Variants in FSTL5 observed in about 807,000 individuals in gnomAD.
FSTL5 encodes the protein follistatin like 5.
FSTL5 carries 62 observed loss-of-function variants against 89.1 expected under a neutral mutation model. That is an observed-to-expected ratio of 0.70 (90% confidence interval 0.57 to 0.86). The LOEUF (loss-of-function observed/expected upper bound fraction) is 0.86. Among genes scored for constraint, FSTL5 ranks in the 40% least tolerant of loss-of-function variants. FSTL5 has a pLI of 0.00. For synonymous variants in FSTL5, 383 were observed against 346.2 expected (o/e 1.11, Z -1.18); for missense variants, 1,057 against 1,001.6 (o/e 1.06, Z -0.75).
Position 161,416,864 on chromosome 4 carries a change from A to C in FSTL5, c.1842-30415T>G, listed in dbSNP as rs562077792. Among the ~76,000 whole-genome samples the C allele has an allele frequency of 1.2e-4, 18 of 151,908 alleles. No individual in the cohort carries two copies. In the East Asian group the frequency reaches 2.9e-3, roughly 24 times the overall value. On this transcript the variant is annotated intron_variant, in intron 15 of 15. Coordinates refer to ENST00000306100, the MANE Select transcript of FSTL5 (RefSeq NM_020116.5). ...CATCTCAAAAAAAAAAAAAAAAAGA[A>C]AGATTCTTCATGAAACCATTACCCA...
In FSTL5 at chr4:161,939,898, A is replaced by T. The variant is rs201907989; in HGVS notation, c.161-19246T>A. ...AATAATCTTTAGATAGCTCCAAAAA[A>T]CAGTCAAAACTGCTAACAAACTAAG... On this transcript the variant is annotated intron_variant, in intron 3 of 15. Coordinates refer to ENST00000306100, the MANE Select transcript of FSTL5 (RefSeq NM_020116.5). Among the ~76,000 whole-genome samples the T allele has an allele frequency of 0.013, 1,973 of 151,974 alleles. 123 individuals carry two copies. In the East Asian group the frequency reaches 0.2, roughly 16 times the overall value.
At chr4:161,932,843 T>C (rs1461295522) in intron 3 of FSTL5, among the ~76,000 whole-genome samples, 1 of 152,076 alleles carries the variant, frequency 6.6e-6, no homozygotes, top group Non-Finnish European at 1.5e-5. Context: ...AATATTATTT[T>C]ATTAATGTTA....
intron 4 of FSTL5, among the ~76,000 whole-genome samples, chr4:161,796,446 A>G (rs1235974448): frequency 1.3e-5 from 2 of 151,814 alleles, no homozygotes; most frequent in Non-Finnish European, 3.0e-5. Context: ...AACATGATGA[A>G]TATATTGCTA....
intron 2 of FSTL5, among the ~76,000 whole-genome samples, chr4:162,073,022 A>G (rs942502793): frequency 4.0e-5 from 6 of 151,812 alleles, no homozygotes; most frequent in Non-Finnish European, 8.8e-5. Flanking sequence ...GCCAGCCTTC[A>G]GAATAATCCT....
chr4:162,144,760 T>A (rs986086996), intron 1 of FSTL5, among the ~76,000 whole-genome samples: 1 of 152,082 alleles, frequency 6.6e-6, no homozygotes, highest in African/African-American at 2.4e-5. Flanking sequence ...ATACATATAA[T>A]TATAATGTGG....
At chr4:162,049,718 T>C (rs1738319048) in intron 2 of FSTL5, among the ~76,000 whole-genome samples, 1 of 152,042 alleles carries the variant, frequency 6.6e-6, no homozygotes, top group South Asian at 2.1e-4. Flanking sequence ...TGAAAATAAC[T>C]AGATCAATCA....
intron 7 of FSTL5, among the ~76,000 whole-genome samples, chr4:161,641,278 T>C (rs1735948470): frequency 6.6e-6 from 1 of 152,204 alleles, no homozygotes; most frequent in African/African-American, 2.4e-5. Context: ...TGATAAAAGC[T>C]CAATTATCAT....
chr4:161,701,249 G>A lies in FSTL5; in HGVS notation c.728-44755C>T, dbSNP rs1409140279. 5.3e-5 allele frequency among the ~76,000 whole-genome samples: 8 copies of A among 152,030 alleles called. No homozygotes were observed. The East Asian group carries it at 5.8e-4, about 11-fold the overall frequency. On this transcript the variant is annotated intron_variant, in intron 6 of 15. Coordinates refer to ENST00000306100, the MANE Select transcript of FSTL5 (RefSeq NM_020116.5). ...TATGCATAATTTGATGCGTTTTGAC[G>A]CATTCAAGTATCAAGAAAGAAAAAA...
intron 7 of FSTL5, among the ~76,000 whole-genome samples, chr4:161,605,687 G>T (rs571261497): frequency 6.6e-6 from 1 of 152,284 alleles, no homozygotes; most frequent in South Asian, 2.1e-4. Context: ...CCAAATGACT[G>T]AAAATTGAAA....
intron 13 of FSTL5, among the ~76,000 whole-genome samples, chr4:161,479,172 T>C (rs917985497): frequency 1.3e-5 from 2 of 152,098 alleles, no homozygotes; most frequent in Non-Finnish European, 2.9e-5. Flanking sequence ...ACAATCATGA[T>C]TGTATCATAT....
In FSTL5 at chr4:161,627,953, C is replaced by A. The variant is rs551627677; in HGVS notation, c.894+28375G>T. Among the ~76,000 whole-genome samples, 4 of 152,142 alleles carry A rather than the reference C, an allele frequency of 2.6e-5. No homozygotes were observed. The South Asian group carries it at 8.3e-4, about 32-fold the overall frequency. The stretch of plus-strand genomic sequence containing the variant: ...AATATAACTCATTTCTCATTCAAAT[C>A]CAATACACACAAAAGAATTAGCCAT... On this transcript the variant is annotated intron_variant, in intron 7 of 15. Transcript: ENST00000306100.
intron 2 of FSTL5, among the ~76,000 whole-genome samples, chr4:162,071,856 C>A (rs574694438): frequency 6.6e-6 from 1 of 151,690 alleles, no homozygotes; most frequent in Non-Finnish European, 1.5e-5. Flanking sequence ...CTGTACAATA[C>A]ATATACAAAT....
At chr4:161,616,740 T>C (rs1213019269) in intron 7 of FSTL5, among the ~76,000 whole-genome samples, 2 of 151,794 alleles carry the variant, frequency 1.3e-5, no homozygotes, top group Non-Finnish European at 2.9e-5. Flanking sequence ...CCAGGATAAA[T>C]AGGTGGCATG....
chr4:161,913,175 CA>C (rs1733744758), intron 4 of FSTL5, among the ~76,000 whole-genome samples: 1 of 152,132 alleles, frequency 6.6e-6, no homozygotes, highest in South Asian at 2.1e-4. Flanking sequence ...AGGAGAAATT[CA>C]AAGCGGCTAC....
At chr4:162,056,363 G>C (rs1560995124) in intron 2 of FSTL5, among the ~76,000 whole-genome samples, 1 of 151,954 alleles carries the variant, frequency 6.6e-6, no homozygotes, top group Non-Finnish European at 1.5e-5. Context: ...AGAGTAATTT[G>C]TAAGCACTAA....
intron 12 of FSTL5, among the ~76,000 whole-genome samples, chr4:161,497,809 G>A (rs1159197413): frequency 2.0e-5 from 3 of 151,716 alleles, no homozygotes; most frequent in East Asian, 1.9e-4. Flanking sequence ...CTACTTTGTC[G>A]CCGTTGGTGT....
chr4:161,875,954 C>G (rs1311924426), intron 4 of FSTL5, among the ~76,000 whole-genome samples: 1 of 152,150 alleles, frequency 6.6e-6, no homozygotes, highest in Non-Finnish European at 1.5e-5. Flanking sequence ...TCAACAACCA[C>G]AGCATACAAC....
chr4:161,860,519 G>A (rs1180277281), intron 4 of FSTL5, among the ~76,000 whole-genome samples: 1 of 152,078 alleles, frequency 6.6e-6, no homozygotes, highest in African/African-American at 2.4e-5. Flanking sequence ...AATTTCCAGC[G>A]GCTTAAAACT....
chr4:161,628,147 T>C (rs1270857499), intron 7 of FSTL5, among the ~76,000 whole-genome samples: 1 of 152,144 alleles, frequency 6.6e-6, no homozygotes, highest in African/African-American at 2.4e-5. Context: ...AATATTTGTA[T>C]GATAATTAAA....
Sources: allele counts gnomAD v4.1 joint callset (sites outside exome capture counted in the v4.1 genomes callset), GRCh38; gene constraint gnomAD v4.1.1; transcripts MANE v1.5; gene names NCBI Gene and HGNC (gene_info 2026-07-23, HGNC 2026-07-21).